Variants in TMCC1 observed in about 807,000 individuals in gnomAD.
The protein encoded by TMCC1 is transmembrane and coiled-coil domain family 1, also known as transmembrane and coiled-coil domains protein 1.
Under a neutral mutation model 52.4 loss-of-function variants are expected in TMCC1, and 15 were observed. That is an observed-to-expected ratio of 0.29 (90% confidence interval 0.19 to 0.44). TMCC1 has a LOEUF of 0.44. Among genes scored for constraint, TMCC1 ranks in the 20% least tolerant of loss-of-function variants. The pLI, the probability that TMCC1 is intolerant of heterozygous loss-of-function variation, is 1.00. For synonymous variants in TMCC1, 279 were observed against 301.9 expected (o/e 0.92, Z 0.79); for missense variants, 503 against 806.0 (o/e 0.62, Z 4.55).
At chr3:129,805,936 A>AACAAAAAC (rs2057436912) in intron 4 of TMCC1, among the ~76,000 whole-genome samples, 1 of 152,068 alleles carries the variant, frequency 6.6e-6, no homozygotes. Flanking sequence ...TGTCTCTTCA[A>AACAAAAAC]AAAAAAACAA....
intron 4 of TMCC1, among the ~76,000 whole-genome samples, chr3:129,764,908 C>T (rs1248527119): frequency 6.9e-6 from 1 of 145,790 alleles, no homozygotes; most frequent in African/African-American, 2.5e-5. Flanking sequence ...CTCAAGTGAT[C>T]CTCCTTCCTC....
chr3:129,694,368 T>A (rs2108956754), intron 4 of TMCC1, among the ~76,000 whole-genome samples: 1 of 152,364 alleles, frequency 6.6e-6, no homozygotes, highest in South Asian at 2.1e-4. Flanking sequence ...GCTACACCTA[T>A]GTGAATAATC....
chr3:129,746,105 TA>T (rs778959880), intron 4 of TMCC1, among the ~76,000 whole-genome samples: 51 of 150,612 alleles, frequency 3.4e-4, no homozygotes, highest in African/African-American at 1.2e-3. Flanking sequence ...AGGAGGGGGG[TA>T]AAAAAAACAA....
chr3:129,748,648 A>C (rs111807666), intron 4 of TMCC1, among the ~76,000 whole-genome samples: 5,234 of 152,142 alleles, frequency 0.034, 134 homozygotes, highest in Middle Eastern at 0.082. Context: ...ACTTCATAAA[A>C]TGTTTCATAA....
intron 6 of TMCC1, among the ~76,000 whole-genome samples, chr3:129,652,140 A>G (rs931903729): frequency 6.6e-6 from 1 of 152,230 alleles, no homozygotes; most frequent in Non-Finnish European, 1.5e-5. Context: ...TGTTCAACAT[A>G]AAAAATTTCA....
intron 1 of TMCC1, among the ~76,000 whole-genome samples, chr3:129,887,508 C>T (rs2061766970): frequency 6.7e-6 from 1 of 149,252 alleles, no homozygotes; most frequent in Admixed American, 6.7e-5. Context: ...CGCCACTGCA[C>T]TCCAACCTGG....
intron 4 of TMCC1, among the ~76,000 whole-genome samples, chr3:129,694,749 T>TC (rs1195484148): frequency 2.6e-5 from 4 of 152,306 alleles, no homozygotes; most frequent in African/African-American, 9.6e-5. Context: ...TACCCCTTGT[T>TC]TAGCATATAA....
rs2052378073 is a variant in TMCC1, at chr3:129,750,303, G to A, written c.576+77500C>T. Among the ~76,000 whole-genome samples the A allele has an allele frequency of 3.3e-5, 5 of 152,066 alleles. 1 individual carries two copies. In the South Asian group the frequency reaches 1.0e-3, roughly 32 times the overall value. The stretch of plus-strand genomic sequence containing the variant: ...CCTCCTGGGTTCAAGCAATTCTCCT[G>A]CCTCAGCCTCCTGAGTAGCTGGGAT... On this transcript the variant is annotated intron_variant, in intron 4 of 6. Transcript: ENST00000393238.
intron 4 of TMCC1, among the ~76,000 whole-genome samples, chr3:129,728,251 G>A (rs2050258867): frequency 6.6e-6 from 1 of 152,164 alleles, no homozygotes; most frequent in Non-Finnish European, 1.5e-5. Flanking sequence ...ACAGAATCAA[G>A]ACAAATAAAT....
chr3:129,874,290 ATTGT>A (rs2061078761), intron 2 of TMCC1, among the ~76,000 whole-genome samples: 1 of 152,212 alleles, frequency 6.6e-6, no homozygotes, highest in African/African-American at 2.4e-5. Context: ...CCTAAAAATT[ATTGT>A]TTGCCTACCA....
chr3:129,695,326 CAAGTCTTT>C (rs2047337265), intron 4 of TMCC1, among the ~76,000 whole-genome samples: 2 of 151,906 alleles, frequency 1.3e-5, no homozygotes, highest in Non-Finnish European at 2.9e-5. Context: ...GGTTGTTTTC[CAAGTCTTT>C]AGAGACAGAA....
intron 2 of TMCC1, chr3:129,867,190 C>T (rs576885977): frequency 3.3e-5 from 5 of 152,214 alleles, no homozygotes; most frequent in Middle Eastern, 3.4e-3. Context: ...AATGACCTTA[C>T]TCAAAACTAA....
chr3:129,719,411 G>A (rs2049382687), intron 4 of TMCC1, among the ~76,000 whole-genome samples: 1 of 152,084 alleles, frequency 6.6e-6, no homozygotes, highest in Non-Finnish European at 1.5e-5. Context: ...CAGTATACAC[G>A]TTTTCTTGAA....
At chr3:129,726,801 A>G (rs942667125) in intron 4 of TMCC1, among the ~76,000 whole-genome samples, 11 of 139,828 alleles carry the variant, frequency 7.9e-5, no homozygotes, top group African/African-American at 2.9e-4. Context: ...GCTTGAACCC[A>G]GAGGTTGCAG....
At chr3:129,886,036 C>T (rs527654534) in intron 1 of TMCC1, among the ~76,000 whole-genome samples, 8 of 152,280 alleles carry the variant, frequency 5.3e-5, no homozygotes, top group Admixed American at 1.3e-4. Flanking sequence ...CCACTGTGCC[C>T]GGCTTGAATA....
intron 2 of TMCC1, among the ~76,000 whole-genome samples, chr3:129,871,440 A>G (rs991898925): frequency 6.6e-6 from 1 of 151,766 alleles, no homozygotes; most frequent in African/African-American, 2.4e-5. Flanking sequence ...CATACCTCAT[A>G]CGTACTTAAA....
intron 4 of TMCC1, among the ~76,000 whole-genome samples, chr3:129,803,585 T>C (rs1445302958): frequency 2.0e-5 from 3 of 152,258 alleles, no homozygotes; most frequent in Non-Finnish European, 4.4e-5. Flanking sequence ...CTTTTAATTT[T>C]GTTTCCTTAA....
intron 4 of TMCC1, among the ~76,000 whole-genome samples, chr3:129,738,217 G>A (rs1455789566): frequency 6.9e-6 from 1 of 145,564 alleles, no homozygotes; most frequent in African/African-American, 2.5e-5. Flanking sequence ...GTTGCAGTGA[G>A]CCGAGATTGT....
chr3:129,788,066 T>C (rs2056167632), intron 4 of TMCC1, among the ~76,000 whole-genome samples: 1 of 152,222 alleles, frequency 6.6e-6, no homozygotes, highest in Non-Finnish European at 1.5e-5. Context: ...CACTGTTACC[T>C]ATATATACAC....
Sources: gnomAD v4.1 joint callset for allele counts (sites outside exome capture counted in the v4.1 genomes callset) on GRCh38, gnomAD v4.1.1 for gene constraint, MANE v1.5 for transcripts, NCBI Gene and HGNC (gene_info 2026-07-23, HGNC 2026-07-21) for gene names.